Variants in CFAP20DC observed in about 807,000 individuals in gnomAD.
CFAP20DC encodes the protein CFAP20 domain containing.
In CFAP20DC, 84 loss-of-function variants were observed where a neutral mutation model predicts 101.7. That is an observed-to-expected ratio of 0.83 (90% CI 0.69 to 0.99). CFAP20DC has a LOEUF of 0.99. CFAP20DC is among the 50% of genes least tolerant of loss of function. CFAP20DC has a pLI of 0.00. For missense variants in CFAP20DC, 1,007 were observed against 970.3 expected, an observed-to-expected ratio of 1.04 and a Z score of -0.50; for synonymous variants, 359 against 351.2, an observed-to-expected ratio of 1.02 and a Z score of -0.25.
intron 15 of CFAP20DC, among the ~76,000 whole-genome samples, chr3:58,792,222 A>G (rs2072915764): frequency 6.6e-6 from 1 of 152,166 alleles, no homozygotes; most frequent in South Asian, 2.1e-4. Context: ...TATGTAAAAT[A>G]TAACTTGAAT....
intron 4 of CFAP20DC, among the ~76,000 whole-genome samples, chr3:59,028,738 C>T (rs994688699): frequency 6.6e-6 from 1 of 152,116 alleles, no homozygotes; most frequent in Non-Finnish European, 1.5e-5. Flanking sequence ...ATAATTATGC[C>T]TACTATCCAG....
chr3:58,727,668 A>T (rs1334305257), intron 3 of CFAP20DC: 1 of 152,126 alleles, frequency 6.6e-6, no homozygotes, highest in East Asian at 1.9e-4. Flanking sequence ...CAAACTCCGG[A>T]CCTCAGGTGA....
At chr3:58,848,199 G>A (rs1363665584) in intron 13 of CFAP20DC, among the ~76,000 whole-genome samples, 1 of 151,454 alleles carries the variant, frequency 6.6e-6, no homozygotes, top group African/African-American at 2.4e-5. Context: ...ACAGAGACTG[G>A]TACATGATGA....
At chr3:58,794,902 C>T (rs975251355) in intron 15 of CFAP20DC, among the ~76,000 whole-genome samples, 1 of 152,176 alleles carries the variant, frequency 6.6e-6, no homozygotes, top group African/African-American at 2.4e-5. Flanking sequence ...TCATTTTATG[C>T]TGTAGGGGTT....
At chr3:58,922,128 T>C (rs1261568199) in intron 5 of CFAP20DC, among the ~76,000 whole-genome samples, 1 of 152,220 alleles carries the variant, frequency 6.6e-6, no homozygotes. Flanking sequence ...CAATTGTCCC[T>C]TGCTTTTAAT....
intron 4 of CFAP20DC, chr3:58,953,531 T>A (rs961613612): frequency 1.3e-5 from 2 of 152,162 alleles, no homozygotes; most frequent in East Asian, 3.9e-4. Context: ...AAAATAAATA[T>A]GCAAACCTTC....
At chr3:58,842,801 C>T (rs549195507) in intron 13 of CFAP20DC, among the ~76,000 whole-genome samples, 77 of 152,318 alleles carry the variant, frequency 5.1e-4, no homozygotes, top group African/African-American at 1.7e-3. Context: ...TCTCCCAGCA[C>T]GCAGCTGGAG....
chr3:58,976,268 A>G (rs2092270478), intron 4 of CFAP20DC, among the ~76,000 whole-genome samples: 1 of 152,190 alleles, frequency 6.6e-6, no homozygotes, highest in South Asian at 2.1e-4. Context: ...TTCTGGAAGG[A>G]GGCAAAAGTG....
intron 14 of CFAP20DC, chr3:58,824,417 G>A (rs2075897242): frequency 6.6e-6 from 1 of 152,110 alleles, no homozygotes; most frequent in South Asian, 2.1e-4. Context: ...GTTGCTATGT[G>A]CTAGTGCCAG....
intron 15 of CFAP20DC, among the ~76,000 whole-genome samples, chr3:58,759,557 T>C (rs1298473670): frequency 6.6e-6 from 1 of 152,228 alleles, no homozygotes; most frequent in African/African-American, 2.4e-5. Flanking sequence ...CATTTGTCAA[T>C]TTTGGCTTTT....
At chr3:58,875,775 A>C (rs1045647924) in intron 7 of CFAP20DC, among the ~76,000 whole-genome samples, 6 of 146,974 alleles carry the variant, frequency 4.1e-5, no homozygotes, top group Admixed American at 2.7e-4. Context: ...AAAATTAAAA[A>C]GAACTTTTGT....
In CFAP20DC at chr3:58,863,591, C is replaced by T; in HGVS notation, c.1560G>A (p.Glu520=). Residue 520 remains glutamate (E), a synonymous_variant, in exon 12 of 17, where the codon GAG becomes GAA. Coordinates refer to ENST00000482387, the MANE Select transcript of CFAP20DC (RefSeq NM_001394063.1). The surrounding 1 kb of genome is among the most constrained non-coding windows in gnomAD (Gnocchi z 5.9). ...TGCTGTCGCCGCCGTAAAAATCATC[C>T]TCTGATTGGGTGTCTCTGCTTGTCA... is the stretch of plus-strand genomic sequence containing the variant. ...NSVTSRDTQS[E]DDFYGGDSSE... 6.2e-7 allele frequency: 1 copy of T among 1,614,146 alleles called. No homozygotes were observed. The highest frequency in any genetic ancestry group is 1.1e-5 in the South Asian group (1 of 91,082).
chr3:58,984,374 T>TGCCAG (rs1254025222), intron 4 of CFAP20DC, among the ~76,000 whole-genome samples: 1 of 152,170 alleles, frequency 6.6e-6, no homozygotes, highest in Non-Finnish European at 1.5e-5. Flanking sequence ...TGACAACTTT[T>TGCCAG]GCCAGAGGAT....
intron 15 of CFAP20DC, among the ~76,000 whole-genome samples, chr3:58,759,074 A>C (rs2069259642): frequency 1.3e-5 from 2 of 152,180 alleles, no homozygotes; most frequent in Non-Finnish European, 2.9e-5. Flanking sequence ...GGTTGGGTCA[A>C]ATGGTATTTC....
chr3:58,739,559 C>T (rs527314061), downstream of CFAP20DC, among the ~76,000 whole-genome samples: 6 of 152,334 alleles, frequency 3.9e-5, no homozygotes, highest in East Asian at 7.7e-4. Flanking sequence ...AAAGCTCCTG[C>T]CTTCTCTGCA....
At position 58,724,134 on chromosome 3, in the gene CFAP20DC, G is replaced by C. The variant is rs1299164855; in HGVS notation, c.198-6506C>G. Among the ~76,000 whole-genome samples, 1 of 152,186 alleles carries C rather than the reference G, an allele frequency of 6.6e-6. No individual in the cohort carries two copies. The highest frequency in any genetic ancestry group is 2.1e-4 in the South Asian group (1 of 4,832). On this transcript the variant is annotated intron_variant, in intron 3 of 3. Transcript: ENST00000486145. The surrounding 1 kb of genome is among the most constrained non-coding windows in gnomAD (Gnocchi z 5.6). ...GCCTGGGGAATTCTCAAGTTGGTTT[G>C]TGGGGGTCAAGCAGGTTCTTCCTTT...
At chr3:58,797,613 T>C (rs2073355014) in intron 15 of CFAP20DC, among the ~76,000 whole-genome samples, 2 of 152,148 alleles carry the variant, frequency 1.3e-5, no homozygotes, top group Admixed American at 6.5e-5. Flanking sequence ...CTACAATCAT[T>C]GATGAAGGTG....
rs1006894860 is a variant in CFAP20DC at position 58,799,747 on chromosome 3, G to A, written c.2237+6648C>T. Reference sequence around the variant, plus strand: ...TGTGTGTGTGTCTGTGTGTGTGTGTGTGTGTGTGTGTGTGTGTGTGTAGAA... The same window carrying A: ...TGTGTGTGTGTCTGTGTGTGTGTGTATGTGTGTGTGTGTGTGTGTGTAGAA... On this transcript the variant is annotated intron_variant, in intron 15 of 16. Coordinates refer to ENST00000482387, the MANE Select transcript of CFAP20DC (RefSeq NM_001394063.1). This position sits in a 1 kb window ranked among gnomAD's most constrained non-coding sequence, Gnocchi z 4.9. Among the ~76,000 whole-genome samples, 10 of 149,488 alleles carry A rather than the reference G, an allele frequency of 6.7e-5. No homozygotes were observed. The highest frequency in any genetic ancestry group is 2.1e-4 in the South Asian group (1 of 4,778).
rs1263085663 is a variant in CFAP20DC, at chr3:58,937,715, A to T, written c.326T>A (p.Val109Asp). 1 of 1,612,214 alleles carries T rather than the reference A, an allele frequency of 6.2e-7. No individual in the cohort carries two copies. The highest frequency in any genetic ancestry group is 8.5e-7 in the Non-Finnish European group (1 of 1,178,512). The change falls in exon 5 of 17, where the codon GTC becomes GAC. Residue 109 changes from valine (V) to aspartate (D), a missense_variant. Coordinates refer to ENST00000482387, the MANE Select transcript of CFAP20DC (RefSeq NM_001394063.1). ...AGGGGTGGAGGATAGTTCCTTATGG[A>T]CCGTTGATAAATATAATCTTCTTTT... ...NIKRRLYLST[V>D]HKELSSTPLH...
Sources: gnomAD v4.1 joint callset for allele counts (sites outside exome capture counted in the v4.1 genomes callset) on GRCh38, gnomAD v4.1.1 for gene constraint, Gnocchi (gnomAD v3.1) non-coding constraint, MANE v1.5 for transcripts, NCBI Gene and HGNC (gene_info 2026-07-23, HGNC 2026-07-21) for gene names.